The following RGS7 variants were observed in gnomAD, a reference collection of about 807,000 sequenced individuals.
The protein encoded by RGS7 is regulator of G-protein signaling 7.
Under a neutral mutation model 81.1 loss-of-function variants are expected in RGS7, and 27 were observed. The ratio of observed to expected loss-of-function variants is 0.33; its 90% CI spans 0.25 to 0.46. The LOEUF (loss-of-function observed/expected upper bound fraction) is 0.46, where lower values mean the gene tolerates loss of function less well. RGS7 is among the 20% of genes least tolerant of loss of function. The pLI is 1.00. For missense variants in RGS7, 396 were observed against 607.4 expected, an observed-to-expected ratio of 0.65 and a Z score of 3.66; for synonymous variants, 208 against 207.7, an observed-to-expected ratio of 1.00 and a Z score of -0.01.
chr1:240,796,786 C>G (rs957530835), intron 18 of RGS7, among the ~76,000 whole-genome samples: 1 of 152,184 alleles, frequency 6.6e-6, no homozygotes, highest in Admixed American at 6.5e-5. Flanking sequence ...GTCTCCACAA[C>G]TTCTGGTCAT....
intron 2 of RGS7, among the ~76,000 whole-genome samples, chr1:241,273,943 T>C (rs1214947479): frequency 6.6e-6 from 1 of 152,206 alleles, no homozygotes; most frequent in Non-Finnish European, 1.5e-5. Context: ...ATTCTAATCC[T>C]TCCTGCCAGC....
intron 2 of RGS7, among the ~76,000 whole-genome samples, chr1:241,200,714 CT>C (rs1292056829): frequency 6.6e-6 from 1 of 152,150 alleles, no homozygotes; most frequent in Non-Finnish European, 1.5e-5. Flanking sequence ...GAGTCTAGAC[CT>C]TCCTGAATTT....
At chr1:240,854,868 C>G (rs1437065321) in intron 9 of RGS7, among the ~76,000 whole-genome samples, 1 of 152,158 alleles carries the variant, frequency 6.6e-6, no homozygotes, top group Non-Finnish European at 1.5e-5. Context: ...AGAGTTTCTA[C>G]ATGTTGTCCC....
intron 4 of RGS7, among the ~76,000 whole-genome samples, chr1:240,961,088 TTTAG>T (rs2148474143): frequency 6.6e-6 from 1 of 152,272 alleles, no homozygotes; most frequent in South Asian, 2.1e-4. Context: ...ATTTGGATCA[TTTAG>T]TTATTGATTA....
intron 3 of RGS7, among the ~76,000 whole-genome samples, chr1:241,029,138 A>G (rs1200176026): frequency 6.7e-6 from 1 of 149,808 alleles, no homozygotes; most frequent in Non-Finnish European, 1.5e-5. Context: ...AAAGAAAAAC[A>G]AAACAAAAAC....
chr1:240,944,282 G>GTGTGTGTATATA (rs1352421845), intron 4 of RGS7, among the ~76,000 whole-genome samples: 6 of 55,818 alleles, frequency 1.1e-4, no homozygotes, highest in African/African-American at 2.6e-4. Flanking sequence ...GTGTGTGTGT[G>GTGTGTGTATATA]TATATATATA....
chr1:241,292,807 G>A (rs2079162229), intron 2 of RGS7, among the ~76,000 whole-genome samples: 1 of 152,192 alleles, frequency 6.6e-6, no homozygotes, highest in South Asian at 2.1e-4. Flanking sequence ...GAAACCATGA[G>A]TCTTAAAAAG....
intron 2 of RGS7, among the ~76,000 whole-genome samples, chr1:241,262,431 A>G (rs911765722): frequency 6.6e-6 from 1 of 152,240 alleles, no homozygotes; most frequent in Admixed American, 6.5e-5. Flanking sequence ...TCAAGAAAAA[A>G]GATGCCAGAA....
chr1:240,834,440 A>C (rs766631181), intron 9 of RGS7, among the ~76,000 whole-genome samples: 5 of 152,188 alleles, frequency 3.3e-5, no homozygotes, highest in Non-Finnish European at 7.3e-5. Flanking sequence ...GGGCAGGTTG[A>C]GTAGAAGTCA....
intron 9 of RGS7, among the ~76,000 whole-genome samples, chr1:240,838,143 G>T (rs1156755661): frequency 6.6e-6 from 1 of 152,188 alleles, no homozygotes; most frequent in African/African-American, 2.4e-5. Flanking sequence ...GGTTCTGGAG[G>T]CTGGGAAGTT....
intron 12 of RGS7, 45 bp from the exon 13 acceptor site, chr1:240,813,773 G>A: frequency 1.6e-6 from 2 of 1,241,164 alleles, no homozygotes; most frequent in Non-Finnish European, 2.4e-6. Flanking sequence ...TTCTGACTGG[G>A]GTTGCAGCCA....
At chr1:240,841,463 T>C (rs1657974163) in intron 9 of RGS7, among the ~76,000 whole-genome samples, 1 of 152,222 alleles carries the variant, frequency 6.6e-6, no homozygotes, top group Non-Finnish European at 1.5e-5. Context: ...TGGGCTGTAT[T>C]ATGGAGCTGA....
intron 3 of RGS7, among the ~76,000 whole-genome samples, chr1:241,047,885 G>A (rs1450717979): frequency 1.1e-4 from 16 of 151,684 alleles, no homozygotes; most frequent in Middle Eastern, 3.2e-3. Context: ...GATTACAAGC[G>A]TGCACCACCA....
intron 2 of RGS7, among the ~76,000 whole-genome samples, chr1:241,333,891 TATGTTA>T (rs1485266284): frequency 6.6e-6 from 1 of 151,994 alleles, no homozygotes; most frequent in East Asian, 1.9e-4. Flanking sequence ...TGTATTTCCG[TATGTTA>T]ATAAGTTTCT....
At chr1:240,917,682 CAGAA>C (rs1331267604) in intron 6 of RGS7, among the ~76,000 whole-genome samples, 4 of 151,932 alleles carry the variant, frequency 2.6e-5, no homozygotes, top group Non-Finnish European at 5.9e-5. Context: ...TCAGAGAAGG[CAGAA>C]AGAGACAGGA....
At chr1:241,329,885 A>G (rs1402161933) in intron 2 of RGS7, among the ~76,000 whole-genome samples, 3 of 152,194 alleles carry the variant, frequency 2.0e-5, no homozygotes, top group South Asian at 2.1e-4. Context: ...GTGCTAATCA[A>G]TAAGTCAATA....
At chr1:240,997,663 A>G (rs957392564) in intron 3 of RGS7, among the ~76,000 whole-genome samples, 11 of 152,114 alleles carry the variant, frequency 7.2e-5, no homozygotes, top group Admixed American at 3.3e-4. Flanking sequence ...CATCTCTACT[A>G]AAAATACAAA....
At chr1:241,194,038 T>G (rs1167187157) in intron 2 of RGS7, among the ~76,000 whole-genome samples, 1 of 152,228 alleles carries the variant, frequency 6.6e-6, no homozygotes, top group Non-Finnish European at 1.5e-5. Context: ...TGCTCTTCTG[T>G]AGAAATCTCT....
At chr1:240,870,026 A>G in intron 7 of RGS7, 29 bp downstream of exon 7, 2 of 1,595,638 alleles carry the variant, frequency 1.3e-6, no homozygotes, top group South Asian at 1.1e-5. Flanking sequence ...TTCTATGACT[A>G]TCTTTGCCAG....
Sources: gnomAD v4.1 joint callset for allele counts (sites outside exome capture counted in the v4.1 genomes callset) on GRCh38, gnomAD v4.1.1 for gene constraint, MANE v1.5 for transcripts, NCBI Gene and HGNC (gene_info 2026-07-23, HGNC 2026-07-21) for gene names.